STPG4: variants seen among roughly 807,000 people sequenced by gnomAD.
The protein encoded by STPG4 is protein STPG4.
STPG4 carries 41 observed loss-of-function variants against 31.5 expected under a neutral mutation model. The observed-to-expected ratio is 1.30, with a 90% CI of 1.01 to 1.69. STPG4 has a LOEUF of 1.69. STPG4 is among the 40% of genes most tolerant of loss of function. The pLI, the probability that STPG4 is intolerant of heterozygous loss-of-function variation, is 0.00. For missense variants in STPG4, 375 were observed against 293.4 expected, an observed-to-expected ratio of 1.28 and a Z score of -2.03; for synonymous variants, 141 against 103.0, an observed-to-expected ratio of 1.37 and a Z score of -2.24.
At chr2:47,088,695 G>C (rs1016262119) in intron 6 of STPG4, among the ~76,000 whole-genome samples, 2 of 152,194 alleles carry the variant, frequency 1.3e-5, no homozygotes, top group Non-Finnish European at 2.9e-5. Flanking sequence ...GAAACAGCAA[G>C]AGTGGAGCAG....
chr2:47,098,444 A>G (rs1260621319), intron 5 of STPG4, among the ~76,000 whole-genome samples: 1 of 152,226 alleles, frequency 6.6e-6, no homozygotes, highest in Non-Finnish European at 1.5e-5. Context: ...TGTGGGAGCC[A>G]GAACCAGTTA....
At chr2:47,100,978 C>T (rs180980694) in intron 5 of STPG4, among the ~76,000 whole-genome samples, 2 of 152,016 alleles carry the variant, frequency 1.3e-5, no homozygotes, top group Admixed American at 1.3e-4. Context: ...ATTCTGGACA[C>T]ATTTTGGCGA....
At chr2:47,120,726 G>T (rs1686252101) in intron 5 of STPG4, among the ~76,000 whole-genome samples, 1 of 152,076 alleles carries the variant, frequency 6.6e-6, no homozygotes. Flanking sequence ...CTTGGCTATT[G>T]TTTTTGGCTA....
intron 5 of STPG4, among the ~76,000 whole-genome samples, chr2:47,104,552 C>G (rs1368558245): frequency 6.6e-6 from 1 of 152,022 alleles, no homozygotes; most frequent in Non-Finnish European, 1.5e-5. Context: ...CATTCTGACT[C>G]CCAGTTCCTC....
rs200944758 is a variant in STPG4, at chr2:47,087,074, C to T, written c.681G>A (p.Pro227=). Residue 227 remains proline (P), a synonymous_variant, in exon 7 of 7, where the codon CCG becomes CCA. Coordinates refer to ENST00000445927, the MANE Select transcript of STPG4 (RefSeq NM_001163561.2). ...TTLRQFPKQS[P]TIAKMGQEHS... Reference sequence around the variant, plus strand: ...GCTCTTGGCCCATTTTGGCTATGGTCGGAGACTGCTTAGGGAATTGTCTTA... The same window carrying T: ...GCTCTTGGCCCATTTTGGCTATGGTTGGAGACTGCTTAGGGAATTGTCTTA... 10 of 1,551,754 alleles carry T rather than the reference C, an allele frequency of 6.4e-6. No individual in the cohort carries two copies. The Admixed American group carries it at 9.8e-5, about 15-fold the overall frequency.
intron 5 of STPG4, among the ~76,000 whole-genome samples, chr2:47,093,399 G>A (rs921650023): frequency 2.0e-5 from 3 of 152,176 alleles, no homozygotes; most frequent in Non-Finnish European, 4.4e-5. Flanking sequence ...ACACAAAGAA[G>A]CAAAACGCCA....
At chr2:47,124,618 T>C (rs1686330721) in intron 5 of STPG4, among the ~76,000 whole-genome samples, 2 of 152,242 alleles carry the variant, frequency 1.3e-5, no homozygotes, top group Non-Finnish European at 2.9e-5. Flanking sequence ...TTATTTCTTA[T>C]GGCTGTGTAG....
chr2:47,114,285 G>T (rs559885314), intron 5 of STPG4, among the ~76,000 whole-genome samples: 5 of 151,854 alleles, frequency 3.3e-5, no homozygotes, highest in Non-Finnish European at 5.9e-5. Context: ...TGGGCAGATC[G>T]CTTGAGGCCC....
At chr2:47,153,775 G>A (rs1389817819) in intron 1 of STPG4, among the ~76,000 whole-genome samples, 2 of 151,820 alleles carry the variant, frequency 1.3e-5, no homozygotes, top group African/African-American at 4.8e-5. Context: ...AGCCACCTCA[G>A]GGGGAAAAAA....
Position 47,088,068 on chromosome 2 carries a change from T to C in STPG4, c.625-938A>G, listed in dbSNP as rs540344859. On this transcript the variant is annotated intron_variant, in intron 6 of 6. Transcript: ENST00000445927. The stretch of plus-strand genomic sequence containing the variant: ...GCACCCAGCCGGGGTTTTTTGTTTT[T>C]GTTTGTTTGTTTGTTTTTGGTTTTT... 3.3e-5 allele frequency among the ~76,000 whole-genome samples: 5 copies of C among 152,108 alleles called. No individual in the cohort carries two copies. In the East Asian group the frequency reaches 5.8e-4, roughly 18 times the overall value.
chr2:47,112,350 T>A (rs1242101815), intron 5 of STPG4, among the ~76,000 whole-genome samples: 1 of 151,642 alleles, frequency 6.6e-6, no homozygotes, highest in African/African-American at 2.4e-5. Flanking sequence ...TTTTTTTTTT[T>A]AGTAGAGATG....
intron 5 of STPG4, among the ~76,000 whole-genome samples, chr2:47,102,041 G>A (rs930038110): frequency 9.2e-5 from 14 of 151,868 alleles, no homozygotes; most frequent in African/African-American, 2.9e-4. Context: ...CGTAGGTAAG[G>A]ACCACTAAAT....
Position 47,087,023 on chromosome 2 carries a change from A to G in STPG4, c.732T>C (p.Asn244=), listed in dbSNP as rs1558666252. 7.1e-6 allele frequency: 11 copies of G among 1,551,554 alleles called. No individual in the cohort carries two copies. Among genetic ancestry groups the G allele is most frequent in the Admixed American group, 2.0e-5 (1 of 50,986 alleles). The change falls in exon 7 of 7, where the codon AAT becomes AAC. Residue 244 remains asparagine (N), a synonymous_variant. Transcript: ENST00000445927. The part of the protein sequence containing the change: ...QEHSLFFNNN[N]WLLK ...CAAGATCACTTTATTTTAAAAGCCAATTGTTGTTGTTGAAGAAAAGGCTAT... is the reference window on the plus strand; with the variant it reads ...CAAGATCACTTTATTTTAAAAGCCAGTTGTTGTTGTTGAAGAAAAGGCTAT...
In STPG4 at chr2:47,151,248, A is replaced by G. The variant is rs767359681; in HGVS notation, c.399+10T>C. 3.7e-6 allele frequency: 6 copies of G among 1,613,664 alleles called. No homozygotes were observed. The highest frequency in any genetic ancestry group is 5.1e-6 in the Non-Finnish European group (6 of 1,179,682). On this transcript the variant is annotated intron_variant, in intron 3 of 6. Transcript: ENST00000445927. ...TTCCCACACAAAGCAATCTGCCAGT[A>G]GCGCTTTACCTGATCTTTGTCAACT...
At position 47,129,929 on chromosome 2, in the gene STPG4, C is replaced by T; in HGVS notation, c.519+12G>A. The T allele has an allele frequency of 6.2e-7, 1 of 1,612,430 alleles. No homozygotes were observed. Among genetic ancestry groups the T allele is most frequent in the Non-Finnish European group, 8.5e-7 (1 of 1,179,378 alleles). On this transcript the variant is annotated intron_variant, in intron 5 of 6. Coordinates refer to ENST00000445927, the MANE Select transcript of STPG4 (RefSeq NM_001163561.2). Reference sequence around the variant, plus strand: ...AAATTCATCATGAGTTAACTGTCTACATTATACTTACGGGAATAAAATAGG... The same window carrying T: ...AAATTCATCATGAGTTAACTGTCTATATTATACTTACGGGAATAAAATAGG...
chr2:47,100,327 G>A (rs1163229066), intron 5 of STPG4, among the ~76,000 whole-genome samples: 1 of 150,548 alleles, frequency 6.6e-6, no homozygotes, highest in Admixed American at 6.6e-5. Flanking sequence ...CAGGGTTTGT[G>A]AATGCACCAA....
chr2:47,107,588 C>A (rs1238638282), intron 5 of STPG4, among the ~76,000 whole-genome samples: 1 of 152,114 alleles, frequency 6.6e-6, no homozygotes. Context: ...CCTGTGCAGC[C>A]CCAGCCTCCC....
chr2:47,136,003 G>A (rs1449717039), intron 3 of STPG4, among the ~76,000 whole-genome samples: 2 of 152,100 alleles, frequency 1.3e-5, no homozygotes, highest in Admixed American at 1.3e-4. Flanking sequence ...TAGACTGTTT[G>A]TTGATAGCCA....
chr2:47,112,218 G>A (rs910486211), intron 5 of STPG4, among the ~76,000 whole-genome samples: 1 of 152,182 alleles, frequency 6.6e-6, no homozygotes, highest in Admixed American at 6.5e-5. Context: ...CCAGGCTGGG[G>A]TGCAGTGGCA....
Sources: gnomAD v4.1 joint callset for allele counts (sites outside exome capture counted in the v4.1 genomes callset) on GRCh38, gnomAD v4.1.1 for gene constraint, MANE v1.5 for transcripts, NCBI Gene and HGNC (gene_info 2026-07-23, HGNC 2026-07-21) for gene names.